MCC: variants seen among roughly 807,000 people sequenced by gnomAD.
MCC encodes MCC regulator of Wnt signaling pathway.
Under a neutral mutation model 116.2 loss-of-function variants are expected in MCC, and 90 were observed. The observed-to-expected ratio is 0.77, with a 90% CI of 0.65 to 0.92. MCC has a LOEUF of 0.92. Ranked by LOEUF, MCC falls within the 40% of genes least tolerant of loss-of-function variation. The pLI, the probability that MCC is intolerant of heterozygous loss-of-function variation, is 0.00. For synonymous variants in MCC, 578 were observed against 510.5 expected (o/e 1.13, Z -1.78); for missense variants, 1,516 against 1,312.2 (o/e 1.16, Z -2.40).
chr5:113,469,887 T>A (rs1208529126), intron 1 of MCC, among the ~76,000 whole-genome samples: 1 of 152,118 alleles, frequency 6.6e-6, no homozygotes, highest in African/African-American at 2.4e-5. Flanking sequence ...GCATATATAT[T>A]TAGGATAGTT....
In MCC at chr5:113,169,623, C is replaced by A. The variant is rs188514007; in HGVS notation, c.628-18201G>T. On this transcript the variant is annotated intron_variant, in intron 3 of 18. Coordinates refer to ENST00000408903, the MANE Select transcript of MCC (RefSeq NM_001085377.2). ...GGGGGTTAATGTACAAATTCAGAAG[C>A]TCTATATGGGGTCACATTCTGGCCA... is the stretch of plus-strand genomic sequence containing the variant. Among the ~76,000 whole-genome samples the A allele has an allele frequency of 4.0e-5, 6 of 151,896 alleles. No homozygotes were observed. In the East Asian group the frequency reaches 9.7e-4, roughly 24 times the overall value.
intron 3 of MCC, among the ~76,000 whole-genome samples, chr5:113,191,143 G>A (rs775551912): frequency 3.3e-5 from 5 of 152,128 alleles, no homozygotes; most frequent in Non-Finnish European, 5.9e-5. Context: ...AAGCATCACC[G>A]AGCAGAAGGT....
intron 3 of MCC, among the ~76,000 whole-genome samples, chr5:113,219,845 A>T (rs564074770): frequency 6.6e-6 from 1 of 152,028 alleles, no homozygotes; most frequent in Non-Finnish European, 1.5e-5. Flanking sequence ...GACTCCCACT[A>T]ATGTTTTTCC....
chr5:113,171,646 C>T (rs7710558), intron 3 of MCC, among the ~76,000 whole-genome samples: 3,069 of 152,192 alleles, frequency 0.02, 109 homozygotes, highest in African/African-American at 0.07. Context: ...TGAGCCACCG[C>T]GCCTGGCCCT....
chr5:113,341,657 C>T lies in MCC; in HGVS notation c.416-927G>A, dbSNP rs139487795. Among the ~76,000 whole-genome samples, 185 of 152,244 alleles carry T rather than the reference C, an allele frequency of 1.2e-3. 4 individuals carry two copies. The highest frequency in any genetic ancestry group is 3.6e-3 in the African/African-American group (149 of 41,536). On this transcript the variant is annotated intron_variant, in intron 2 of 18. Coordinates refer to ENST00000408903, the MANE Select transcript of MCC (RefSeq NM_001085377.2). Reference sequence around the variant, plus strand: ...CCCACAGTGTGTGATTCTCCATGCCCTTTGCCTTCTGGCCTGGTTCAGATG... The same window carrying T: ...CCCACAGTGTGTGATTCTCCATGCCTTTTGCCTTCTGGCCTGGTTCAGATG...
intron 3 of MCC, among the ~76,000 whole-genome samples, chr5:113,242,814 A>G (rs1014102370): frequency 2.0e-5 from 3 of 152,134 alleles, no homozygotes; most frequent in Admixed American, 6.5e-5. Context: ...GGAACAAAAA[A>G]CTGTGTACTG....
intron 3 of MCC, among the ~76,000 whole-genome samples, chr5:113,318,395 C>T (rs142201305): frequency 1.7e-3 from 266 of 152,228 alleles, no homozygotes; most frequent in African/African-American, 6.2e-3. Context: ...GACTATGTAC[C>T]ATCTGGGCTT....
At chr5:113,344,850 C>T (rs1768095906) in intron 2 of MCC, among the ~76,000 whole-genome samples, 1 of 152,014 alleles carries the variant, frequency 6.6e-6, no homozygotes, top group Non-Finnish European at 1.5e-5. Context: ...CAGGTGAGTC[C>T]TAGAACATTC....
chr5:113,366,077 C>T (rs1448964448), intron 2 of MCC, among the ~76,000 whole-genome samples: 11 of 152,118 alleles, frequency 7.2e-5, no homozygotes, highest in African/African-American at 1.7e-4. Flanking sequence ...TTTGTGCTTT[C>T]GAAACTAATG....
intron 2 of MCC, among the ~76,000 whole-genome samples, chr5:113,365,231 C>A (rs1306720534): frequency 6.6e-6 from 1 of 152,174 alleles, no homozygotes. Flanking sequence ...AACCAGGCCA[C>A]ATCTTGAATG....
intron 1 of MCC, among the ~76,000 whole-genome samples, chr5:113,466,058 T>C (rs894608747): frequency 3.3e-5 from 5 of 152,052 alleles, no homozygotes; most frequent in Admixed American, 2.0e-4. Context: ...TGCCTCAGCC[T>C]CCTGGGTAGA....
At chr5:113,220,765 G>C (rs1306071881) in intron 3 of MCC, among the ~76,000 whole-genome samples, 1 of 152,118 alleles carries the variant, frequency 6.6e-6, no homozygotes, top group Non-Finnish European at 1.5e-5. Flanking sequence ...TGTTATCTTT[G>C]AATAAAGAAA....
At chr5:113,308,035 C>T (rs1394027600) in intron 3 of MCC, among the ~76,000 whole-genome samples, 2 of 151,386 alleles carry the variant, frequency 1.3e-5, no homozygotes, top group Non-Finnish European at 2.9e-5. Context: ...TGCAGTGGCA[C>T]GATCATGGCC....
chr5:113,327,561 A>AAATATATAT (rs1480996383), intron 3 of MCC, among the ~76,000 whole-genome samples: 70 of 80,564 alleles, frequency 8.7e-4, no homozygotes, highest in Middle Eastern at 6.8e-3. Context: ...AAAAAAAAAA[A>AAATATATAT]ATATATATAT....
chr5:113,247,154 G>A (rs1764612634), intron 3 of MCC, among the ~76,000 whole-genome samples: 1 of 152,190 alleles, frequency 6.6e-6, no homozygotes, highest in Non-Finnish European at 1.5e-5. Context: ...AGGAAGGTAG[G>A]GCGTATACTT....
intron 3 of MCC, among the ~76,000 whole-genome samples, chr5:113,218,562 T>C (rs1763416182): frequency 6.6e-6 from 1 of 152,184 alleles, no homozygotes; most frequent in Non-Finnish European, 1.5e-5. Context: ...TGCCCAGAGG[T>C]AGAAATGAAC....
At chr5:113,362,068 T>C (rs949084421) in intron 2 of MCC, among the ~76,000 whole-genome samples, 27 of 152,364 alleles carry the variant, frequency 1.8e-4, no homozygotes, top group African/African-American at 6.3e-4. Context: ...TCCACCCTCA[T>C]ATATCTATGT....
rs1183181547 is a variant in MCC at position 113,488,293 on chromosome 5, C to G, written c.122G>C (p.Arg41Pro). ...TSSTGEEERMRRLFQTCDGDG... is the reference protein window; with the variant it reads ...TSSTGEEERMPRLFQTCDGDG... ...GCCGTCGCACGTCTGGAAGAGGCGC[C>G]GCATCCTCTCCTCCTCGCCGGTGCT... The change falls in exon 1 of 19, where the codon CGG becomes CCG. Residue 41 changes from arginine to proline, a missense_variant. Physicochemically the swap from Arg to Pro is moderately radical, Grantham distance 103. Transcript: ENST00000408903. 3.8e-6 allele frequency: 6 copies of G among 1,594,950 alleles called. No individual in the cohort carries two copies. Among genetic ancestry groups the G allele is most frequent in the Non-Finnish European group, 5.1e-6 (6 of 1,171,878 alleles).
At chr5:113,292,062 T>C (rs1766518410) in intron 3 of MCC, among the ~76,000 whole-genome samples, 1 of 152,076 alleles carries the variant, frequency 6.6e-6, no homozygotes, top group Non-Finnish European at 1.5e-5. Context: ...AAACCTCTTC[T>C]CTACTAAAAA....
Sources: allele counts gnomAD v4.1 joint callset (sites outside exome capture counted in the v4.1 genomes callset), GRCh38; gene constraint gnomAD v4.1.1; transcripts MANE v1.5; gene names NCBI Gene and HGNC (gene_info 2026-07-23, HGNC 2026-07-21).